Variants in MYO16 observed in about 807,000 individuals in gnomAD.
The protein encoded by MYO16 is unconventional myosin-XVI.
A neutral mutation model predicts 205.3 loss-of-function variants in MYO16; 94 were observed. The ratio of observed to expected loss-of-function variants is 0.46; its 90% CI spans 0.39 to 0.54. The LOEUF (loss-of-function observed/expected upper bound fraction) is 0.54. Among genes scored for constraint, MYO16 ranks in the 20% least tolerant of loss-of-function variants. The pLI is 0.00. For missense variants in MYO16, 2,315 were observed against 2,387.5 expected (o/e 0.97, Z 0.63); for synonymous variants, 988 against 954.0 (o/e 1.04, Z -0.66).
At chr13:108,871,149 A>G (rs1182383255) in intron 12 of MYO16, among the ~76,000 whole-genome samples, 10 of 152,008 alleles carry the variant, frequency 6.6e-5, no homozygotes, top group Non-Finnish European at 1.5e-4. Flanking sequence ...TAAAATGCAG[A>G]TGTCTGTTAT....
At chr13:109,172,104 C>T (rs576175248) in intron 33 of MYO16, among the ~76,000 whole-genome samples, 2 of 152,240 alleles carry the variant, frequency 1.3e-5, no homozygotes, top group East Asian at 3.9e-4. Flanking sequence ...TTCCATCAGC[C>T]GCACCTCGAA....
intron 24 of MYO16, among the ~76,000 whole-genome samples, chr13:109,047,453 T>C (rs759133808): frequency 6.6e-6 from 1 of 152,148 alleles, no homozygotes; most frequent in African/African-American, 2.4e-5. Context: ...AGAAGGAGTA[T>C]ATATATGTAT....
rs186605390 is a variant in MYO16 at position 109,018,569 on chromosome 13, C to T, written c.2596-1142C>T. Among the ~76,000 whole-genome samples the T allele has an allele frequency of 4.5e-3, 686 of 152,148 alleles. 3 individuals are homozygous for T. Among genetic ancestry groups the T allele is most frequent in the Non-Finnish European group, 7.8e-3 (529 of 67,926 alleles). On this transcript the variant is annotated intron_variant, in intron 22 of 34. Transcript: ENST00000457511. ...GTCTGCAGAAGTTTCTGCCGCCTTG[C>T]AGTTCCATCTCGGACTAGCAGTGAG...
chr13:108,530,081 C>G, the MYO16 span, among the ~76,000 whole-genome samples: 5 of 152,204 alleles, frequency 3.3e-5, no homozygotes, highest in Non-Finnish European at 5.9e-5. Context: ...CAAGTGAGCT[C>G]AGTGCTGATG....
intron 12 of MYO16, among the ~76,000 whole-genome samples, chr13:108,874,163 T>C (rs915798740): frequency 2.0e-5 from 3 of 152,026 alleles, no homozygotes; most frequent in Non-Finnish European, 2.9e-5. Flanking sequence ...GTAACCCTAA[T>C]TGGCAAGTCA....
rs1242235488 is a variant in MYO16, at chr13:108,961,526, G to A, written c.2038-13G>A. 2.5e-6 allele frequency: 4 copies of A among 1,601,078 alleles called. No individual in the cohort carries two copies. The East Asian group carries it at 8.9e-5, about 36-fold the overall frequency. On this transcript the variant is annotated splice_polypyrimidine_tract_variant and intron_variant, in intron 17 of 34. Coordinates refer to ENST00000457511, the MANE Select transcript of MYO16 (RefSeq NM_001198950.3). ...AGCACCCTATTCATTCTCTCTGTTT[G>A]TAAAATGCATAGGAGGTGGAGAATC...
Position 109,007,539 on chromosome 13 carries a change from CGTGTGTGTGTGTGTGTGT to C in MYO16, c.2443-1327_2443-1310del, listed in dbSNP as rs71125360. On this transcript the variant is annotated intron_variant, in intron 21 of 34. Coordinates refer to ENST00000457511, the MANE Select transcript of MYO16 (RefSeq NM_001198950.3). ...TTTGAGATAATAAGTAGAAATCAGC[CGTGTGTGTGTGTGTGTGT>C]GTGTGTGTGTGTGTGTGTGTGTGTG... Among the ~76,000 whole-genome samples, 117 of 133,690 alleles carry C rather than the reference CGTGTGTGTGTGTGTGTGT, an allele frequency of 8.8e-4. 1 individual carries two copies. The highest frequency in any genetic ancestry group is 1.3e-3 in the Non-Finnish European group (85 of 63,074). 87.7% of individuals were successfully genotyped at this position (133,690 alleles called of 152,430 possible). A position where few individuals can be genotyped will look rare whatever the true frequency, so the allele number is the denominator to read the frequency against.
intron 1 of MYO16, among the ~76,000 whole-genome samples, chr13:108,599,778 G>A (rs1878697294): frequency 6.6e-6 from 1 of 152,164 alleles, no homozygotes. Flanking sequence ...TTTTCTGTCT[G>A]TCTCACAAAA....
In MYO16 at chr13:109,100,497, C is replaced by T. The variant is rs1594085927; in HGVS notation, c.3336-288C>T. On this transcript the variant is annotated intron_variant, in intron 27 of 34. Transcript: ENST00000457511. ...CTACTGGATTAATTTTCATTCCTTTCAAATTTCCTTTGGTTAAATGGTTTG... is the reference window on the plus strand; with the variant it reads ...CTACTGGATTAATTTTCATTCCTTTTAAATTTCCTTTGGTTAAATGGTTTG... Among the ~76,000 whole-genome samples the T allele has an allele frequency of 2.6e-5, 4 of 152,290 alleles. No individual in the cohort carries two copies. The South Asian group carries it at 8.3e-4, about 32-fold the overall frequency.
At chr13:108,747,762 C>T (rs966778571) in intron 4 of MYO16, among the ~76,000 whole-genome samples, 3 of 151,990 alleles carry the variant, frequency 2.0e-5, no homozygotes, top group African/African-American at 2.4e-5. Context: ...TATATATGAT[C>T]CAACTCTAGG....
intron 1 of MYO16, among the ~76,000 whole-genome samples, chr13:108,651,583 T>A (rs7983837): frequency 6.6e-6 from 1 of 152,034 alleles, no homozygotes; most frequent in African/African-American, 2.4e-5. Context: ...GAGAAAATAC[T>A]TACTACATTC....
At chr13:109,109,202 C>G (rs1889209583) in intron 28 of MYO16, among the ~76,000 whole-genome samples, 1 of 151,340 alleles carries the variant, frequency 6.6e-6, no homozygotes, top group Non-Finnish European at 1.5e-5. Flanking sequence ...TCCCCAACTT[C>G]AAGATTATTT....
At chr13:108,871,515 A>G (rs528482306) in intron 12 of MYO16, among the ~76,000 whole-genome samples, 4 of 152,328 alleles carry the variant, frequency 2.6e-5, no homozygotes, top group East Asian at 1.9e-4. Flanking sequence ...TAGCAGGCAC[A>G]TAAGTTGTAG....
intron 15 of MYO16, among the ~76,000 whole-genome samples, chr13:108,899,575 A>G (rs1880608578): frequency 6.6e-6 from 1 of 152,142 alleles, no homozygotes; most frequent in African/African-American, 2.4e-5. Flanking sequence ...TTTTATGAAG[A>G]CCTCATCGGA....
In MYO16 at chr13:108,962,454, A is replaced by C; in HGVS notation, c.2186A>C (p.Glu729Ala). Residue 729 changes from glutamate to alanine, a missense_variant, in exon 19 of 35, where the codon GAA (glutamate) becomes GCA (alanine). Physicochemically the swap from Glu to Ala is moderately radical, Grantham distance 107 (BLOSUM62 -1). Around this residue, in one of 3 missense-constraint regions of MYO16, gnomAD observed 1,213 missense variants for 1,274.4 expected, o/e 0.95. Coordinates refer to ENST00000457511, the MANE Select transcript of MYO16 (RefSeq NM_001198950.3). The stretch of plus-strand genomic sequence containing the variant: ...GGAATGTTACAAGTATCAACAGATG[A>C]ATTGGCATCTGCCTTAACAACTGAT... ...VAGMLQVSTD[E>A]LASALTTDIQ... 1 of 1,601,208 alleles carries C rather than the reference A, an allele frequency of 6.2e-7. No homozygotes were observed. The highest frequency in any genetic ancestry group is 8.5e-7 in the Non-Finnish European group (1 of 1,176,484).
chr13:108,599,115 G>C (rs1878669181), intron 1 of MYO16, among the ~76,000 whole-genome samples: 2 of 150,656 alleles, frequency 1.3e-5, no homozygotes, highest in Non-Finnish European at 3.0e-5. Flanking sequence ...CCTTGCGATA[G>C]TTTACTGAGA....
intron 4 of MYO16, among the ~76,000 whole-genome samples, chr13:108,751,196 A>AAAAC (rs1187101614): frequency 6.6e-6 from 1 of 152,178 alleles, no homozygotes; most frequent in Non-Finnish European, 1.5e-5. Context: ...CTCCAATTAA[A>AAAAC]AAACAAACAA....
At chr13:108,990,464 A>G (rs939236444) in intron 20 of MYO16, among the ~76,000 whole-genome samples, 5 of 152,208 alleles carry the variant, frequency 3.3e-5, no homozygotes, top group Non-Finnish European at 5.9e-5. Context: ...TAGTTGAAAA[A>G]GTGTTCAATA....
In MYO16 at chr13:109,022,382, C is replaced by T. The variant is rs1424006967; in HGVS notation, c.2796+2471C>T. Reference sequence around the variant, plus strand: ...TGTATATATGTATGTATTATATATACAAATATACATATATGTATATATGTA... The same window carrying T: ...TGTATATATGTATGTATTATATATATAAATATACATATATGTATATATGTA... On this transcript the variant is annotated intron_variant, in intron 23 of 34. Transcript: ENST00000457511. Among the ~76,000 whole-genome samples, 149 of 69,436 alleles carry T rather than the reference C, an allele frequency of 2.1e-3. 6 individuals are homozygous for T. Among genetic ancestry groups the T allele is most frequent in the Non-Finnish European group, 2.6e-3 (106 of 41,138 alleles). The allele number at this position is 69,436 out of a possible 152,430, so 45.6% of individuals were successfully genotyped here.
Sources: gnomAD v4.1 joint callset for allele counts (sites outside exome capture counted in the v4.1 genomes callset) on GRCh38, gnomAD v4.1.1 for gene constraint, gnomAD v4.1.1 regional missense constraint, MANE v1.5 for transcripts, NCBI Gene and HGNC (gene_info 2026-07-23, HGNC 2026-07-21) for gene names.